Variants in DIPK2B observed in about 807,000 individuals in gnomAD.
The protein encoded by DIPK2B is UPF0672 protein CXorf36.
A neutral mutation model predicts 22.2 loss-of-function variants in DIPK2B; 15 were observed. The observed-to-expected ratio is 0.68, with a 90% confidence interval of 0.45 to 1.04. The LOEUF (loss-of-function observed/expected upper bound fraction) is 1.04. Ranked by LOEUF, DIPK2B falls within the 50% of genes least tolerant of loss-of-function variation. DIPK2B has a pLI of 0.00. For synonymous variants in DIPK2B, 163 were observed against 153.2 expected (o/e 1.06, Z -0.47); for missense variants, 345 against 348.3 (o/e 0.99, Z 0.08).
intron 2 of DIPK2B, among the ~76,000 whole-genome samples, chrX:45,173,052 G>T (rs2047092619): frequency 9.0e-6 from 1 of 111,587 alleles, no homozygotes; most frequent in Admixed American, 9.5e-5. Flanking sequence ...CTTCTGTTGA[G>T]ATTGCATCAC....
At chrX:45,160,865 G>T (rs1253021177) in intron 2 of DIPK2B, among the ~76,000 whole-genome samples, 1 of 112,129 alleles carries the variant, frequency 8.9e-6, no homozygotes, top group East Asian at 2.8e-4. Flanking sequence ...GTTGTTATGT[G>T]GACAATAGAT....
At chrX:45,195,058 G>T (rs150894146) in intron 1 of DIPK2B, among the ~76,000 whole-genome samples, 5,685 of 112,449 alleles carry the variant, frequency 0.051, 368 homozygotes, top group African/African-American at 0.17. Flanking sequence ...ATTGCAGGAT[G>T]CACTTCTCCC....
intron 2 of DIPK2B, among the ~76,000 whole-genome samples, chrX:45,179,603 A>G (rs1267456102): frequency 8.9e-6 from 1 of 111,909 alleles, no homozygotes; most frequent in African/African-American, 3.2e-5. Context: ...CTAGAAATGC[A>G]AAATGCAATA....
rs2046962331 is a variant in DIPK2B, at chrX:45,151,730, G to A, written c.1224C>T (p.Asp408=). The change falls in exon 5 of 5, where the codon GAC becomes GAT. Residue 408 remains aspartate (D), a synonymous_variant. Coordinates refer to ENST00000398000, the MANE Select transcript of DIPK2B (RefSeq NM_176819.4). ...EVLGAASQLK[D]ILRPLRTCDS... ...CACACGTTCTCAGGGGCCTCAAGATGTCTTTCAGCTGGCTGGCGGCCCCAA... is the reference window on the plus strand; with the variant it reads ...CACACGTTCTCAGGGGCCTCAAGATATCTTTCAGCTGGCTGGCGGCCCCAA... 2 of 1,212,091 alleles carry A rather than the reference G, an allele frequency of 1.7e-6. No individual in the cohort carries two copies. Among genetic ancestry groups the A allele is most frequent in the East Asian group, 3.0e-5 (1 of 33,849 alleles).
intron 1 of DIPK2B, among the ~76,000 whole-genome samples, chrX:45,196,021 C>G (rs1401293951): frequency 1.8e-5 from 2 of 112,517 alleles, no homozygotes; most frequent in Non-Finnish European, 3.8e-5. Flanking sequence ...TTCCTATACT[C>G]TATTTTAACC....
intron 3 of DIPK2B, 73 bp from the exon 4 acceptor site, chrX:45,154,271 CT>C (rs1362084401): frequency 6.9e-6 from 6 of 865,188 alleles, no homozygotes; most frequent in Non-Finnish European, 9.3e-6. Context: ...TTATCTCTAT[CT>C]ATCTCCCTAT....
chrX:45,153,131 A>G (rs2046970130), intron 4 of DIPK2B, among the ~76,000 whole-genome samples: 1 of 111,755 alleles, frequency 8.9e-6, no homozygotes, highest in Admixed American at 9.6e-5. Flanking sequence ...GTGTGGTTTA[A>G]TTTGTCTATT....
intron 3 of DIPK2B, 35 bp downstream of exon 3, chrX:45,157,680 C>A: frequency 8.7e-7 from 1 of 1,153,802 alleles, no homozygotes; most frequent in Non-Finnish European, 1.2e-6. Flanking sequence ...CAAGATTGAC[C>A]CCCAACCTAG....
At chrX:45,163,485 G>A in intron 2 of DIPK2B, 2 of 753,069 alleles carry the variant, frequency 2.7e-6, no homozygotes, top group Non-Finnish European at 3.1e-6. Context: ...AATCTGAATA[G>A]AGGAGAAGTA....
intron 2 of DIPK2B, chrX:45,162,808 C>T (rs780720113): frequency 1.3e-6 from 1 of 752,488 alleles, no homozygotes; most frequent in South Asian, 6.8e-5. Flanking sequence ...GGTGCTATCC[C>T]TTGGGAAGCC....
intron 2 of DIPK2B, among the ~76,000 whole-genome samples, chrX:45,181,703 G>T (rs1034848736): frequency 5.4e-5 from 6 of 111,789 alleles, no homozygotes; most frequent in Non-Finnish European, 9.4e-5. Context: ...AAATAATTTG[G>T]GATGTATTAT....
At chrX:45,166,783 T>C (rs1266029460) in intron 2 of DIPK2B, among the ~76,000 whole-genome samples, 1 of 112,120 alleles carries the variant, frequency 8.9e-6, no homozygotes, top group Non-Finnish European at 1.9e-5. Flanking sequence ...AGACCAGAAA[T>C]GTGGCTTTTC....
At chrX:45,157,922 G>A (rs1238219470) in intron 2 of DIPK2B, 34 bp from the exon 3 acceptor site, 2 of 1,081,048 alleles carry the variant, frequency 1.9e-6, no homozygotes, top group Admixed American at 2.8e-5. Flanking sequence ...GGGAGAAGAA[G>A]GGGGCGGGGC....
intron 2 of DIPK2B, among the ~76,000 whole-genome samples, chrX:45,179,920 G>A (rs1369092922): frequency 9.0e-6 from 1 of 111,474 alleles, no homozygotes; most frequent in African/African-American, 3.3e-5. Context: ...AGAGTAGAAG[G>A]AAACATCTTT....
chrX:45,159,803 A>G (rs769347265), intron 2 of DIPK2B, among the ~76,000 whole-genome samples: 1 of 112,382 alleles, frequency 8.9e-6, no homozygotes, highest in Non-Finnish European at 1.9e-5. Context: ...AATATTACAA[A>G]TTATATTTTA....
In DIPK2B at chrX:45,197,196, T is replaced by C. The variant is rs754810843; in HGVS notation, c.233+3398A>G. On this transcript the variant is annotated intron_variant, in intron 1 of 4. Coordinates refer to ENST00000398000, the MANE Select transcript of DIPK2B (RefSeq NM_176819.4). ...TAAGATGTCATAGTAATCACCTTTT[T>C]TTTTTTTTGAGAGAGAGTCTTTCTC... is the stretch of plus-strand genomic sequence containing the variant. Among the ~76,000 whole-genome samples the C allele has an allele frequency of 5.4e-5, 6 of 110,517 alleles. No homozygotes were observed. In the South Asian group the frequency reaches 2.3e-3, roughly 43 times the overall value.
intron 2 of DIPK2B, chrX:45,164,148 C>T (rs763123276): frequency 1.7e-6 from 2 of 1,161,437 alleles, no homozygotes; most frequent in South Asian, 4.1e-5. Context: ...AAGGCTAACA[C>T]TTTCTGGAAG....
At chrX:45,172,031 T>C (rs1297433841) in intron 2 of DIPK2B, among the ~76,000 whole-genome samples, 4 of 111,423 alleles carry the variant, frequency 3.6e-5, no homozygotes, top group Non-Finnish European at 5.7e-5. Context: ...TGAGGTAATG[T>C]TGGAGGAGCA....
At chrX:45,194,129 A>G (rs1359548018) in intron 1 of DIPK2B, among the ~76,000 whole-genome samples, 1 of 112,192 alleles carries the variant, frequency 8.9e-6, no homozygotes, top group Non-Finnish European at 1.9e-5. Context: ...AAACTGAGGC[A>G]CAGAGTGATT....
Sources: gnomAD v4.1 joint callset for allele counts (sites outside exome capture counted in the v4.1 genomes callset) on GRCh38, gnomAD v4.1.1 for gene constraint, MANE v1.5 for transcripts, NCBI Gene and HGNC (gene_info 2026-07-23, HGNC 2026-07-21) for gene names.